HTATIP2: variants seen among roughly 807,000 people sequenced by gnomAD.
The protein encoded by HTATIP2 is HIV-1 Tat interactive protein 2.
Under a neutral mutation model 24.7 loss-of-function variants are expected in HTATIP2, and 26 were observed. The ratio of observed to expected loss-of-function variants is 1.05; its 90% CI spans 0.77 to 1.46. The LOEUF is 1.46. HTATIP2 is among the 40% of genes most tolerant of loss of function. The pLI is 0.00. For missense variants in HTATIP2, 284 were observed against 289.6 expected (o/e 0.98, Z 0.14); for synonymous variants, 99 against 113.2 (o/e 0.87, Z 0.79).
At chr11:20,376,291 T>C in intron 2 of HTATIP2, 1 of 396,856 alleles carries the variant, frequency 2.5e-6, no homozygotes, top group Non-Finnish European at 4.5e-6. Context: ...AGCCTGATCT[T>C]ACTGTTCCCT....
At chr11:20,382,600 G>C (rs1375113637) in intron 4 of HTATIP2, among the ~76,000 whole-genome samples, 1 of 152,126 alleles carries the variant, frequency 6.6e-6, no homozygotes, top group Non-Finnish European at 1.5e-5. Flanking sequence ...TCTGGAGATT[G>C]GAAGTCCAAG....
chr11:20,373,227 A>G (rs2064790280), intron 2 of HTATIP2, among the ~76,000 whole-genome samples: 1 of 152,090 alleles, frequency 6.6e-6, no homozygotes, highest in Non-Finnish European at 1.5e-5. Flanking sequence ...TCGTCCTTCA[A>G]GGAGCGGTTG....
Position 20,364,246 on chromosome 11 carries a change from AAC to A in HTATIP2, c.11_12del (p.Thr4ArgfsTer15), listed in dbSNP as rs778382489. On this transcript the variant is annotated frameshift_variant, in exon 1 of 5. Coordinates refer to ENST00000451739, the MANE Select transcript of HTATIP2 (RefSeq NM_001098522.2). LOFTEE classifies it high-confidence loss of function. MAE[T>X]EALSKLREDF... ...GATGTTATTTCCCCAGCATGGCCGA[AAC>A]AGAAGCCCTGTCGAAGCTTCGGGAA... 55 of 1,602,838 alleles carry A rather than the reference AAC, an allele frequency of 3.4e-5. No individual in the cohort carries two copies. Among genetic ancestry groups the A allele is most frequent in the Middle Eastern group, 1.7e-4 (1 of 6,010 alleles).
chr11:20,365,536 G>A (rs759470766), intron 1 of HTATIP2, among the ~76,000 whole-genome samples: 2 of 152,146 alleles, frequency 1.3e-5, no homozygotes, highest in African/African-American at 4.8e-5. Context: ...CTTGATTCTC[G>A]CAGGTCTGTG....
intron 1 of HTATIP2, among the ~76,000 whole-genome samples, chr11:20,365,771 G>A (rs1318873433): frequency 6.6e-6 from 1 of 151,862 alleles, no homozygotes; most frequent in Non-Finnish European, 1.5e-5. Context: ...AAGAGTTCCA[G>A]ACCAGCCTGG....
intron 2 of HTATIP2, among the ~76,000 whole-genome samples, chr11:20,372,363 T>C (rs992295730): frequency 2.6e-5 from 4 of 152,342 alleles, no homozygotes; most frequent in African/African-American, 9.6e-5. Flanking sequence ...TTTCAGGCAC[T>C]GGTAAAGAAG....
intron 2 of HTATIP2, 144 bp from the exon 3 acceptor site, chr11:20,376,436 G>C (rs1441707566): frequency 1.1e-6 from 1 of 910,146 alleles, no homozygotes; most frequent in Non-Finnish European, 1.8e-6. Flanking sequence ...CAGGGTCTAA[G>C]CCTGACTTTC....
chr11:20,371,860 C>T (rs1388722425), intron 2 of HTATIP2, among the ~76,000 whole-genome samples: 1 of 152,178 alleles, frequency 6.6e-6, no homozygotes, highest in Non-Finnish European at 1.5e-5. Context: ...CTATCCAGAA[C>T]TTCTCTAACC....
At chr11:20,365,846 C>T (rs537763718) in intron 1 of HTATIP2, among the ~76,000 whole-genome samples, 220 of 151,776 alleles carry the variant, frequency 1.4e-3, no homozygotes, top group Non-Finnish European at 2.5e-3. Flanking sequence ...TGGTGCACGC[C>T]TGTAATCTCA....
At chr11:20,369,309 G>A (rs996534982) in intron 2 of HTATIP2, among the ~76,000 whole-genome samples, 6 of 152,164 alleles carry the variant, frequency 3.9e-5, no homozygotes, top group African/African-American at 7.2e-5. Flanking sequence ...AAACTAGTAC[G>A]CTTCACTAGG....
At chr11:20,370,901 G>T (rs1322381762) in intron 2 of HTATIP2, among the ~76,000 whole-genome samples, 2 of 152,094 alleles carry the variant, frequency 1.3e-5, no homozygotes, top group Admixed American at 6.6e-5. Context: ...TGCCCGTCTT[G>T]GCCTCCCAAA....
intron 4 of HTATIP2, 38 bp downstream of exon 4, chr11:20,382,277 TGATG>T (rs1033208876): frequency 8.4e-7 from 1 of 1,194,600 alleles, no homozygotes; most frequent in African/African-American, 1.5e-5. Context: ...AGTATGCCAC[TGATG>T]GTTAATCCCT....
intron 2 of HTATIP2, chr11:20,376,248 A>C (rs1848444265): frequency 1.7e-5 from 2 of 117,242 alleles, no homozygotes; most frequent in East Asian, 4.6e-4. Context: ...TTATTAAGAC[A>C]AAAAAAAAAG....
intron 3 of HTATIP2, among the ~76,000 whole-genome samples, chr11:20,377,405 C>T (rs548280487): frequency 4.6e-5 from 7 of 152,228 alleles, no homozygotes; most frequent in South Asian, 2.1e-4. Context: ...AAAGTCTTAA[C>T]GTTTTATCTT....
intron 2 of HTATIP2, chr11:20,367,608 G>C (rs1258373757): frequency 7.6e-7 from 1 of 1,310,896 alleles, no homozygotes; most frequent in Admixed American, 3.7e-5. Flanking sequence ...GGTTTATGCT[G>C]TTAACAATCA....
Position 20,365,353 on chromosome 11 carries a change from A to G in HTATIP2, c.195+921A>G, listed in dbSNP as rs1302470996. Among the ~76,000 whole-genome samples, 3 of 152,296 alleles carry G rather than the reference A, an allele frequency of 2.0e-5. No homozygotes were observed. The East Asian group carries it at 5.8e-4, about 29-fold the overall frequency. On this transcript the variant is annotated intron_variant, in intron 1 of 4. Transcript: ENST00000451739. Reference sequence around the variant, plus strand: ...CTTCTGTCTTGTCATGACCCCCTAAATATCAGAAGCCTGAGTTTCTTGGAG... The same window carrying G: ...CTTCTGTCTTGTCATGACCCCCTAAGTATCAGAAGCCTGAGTTTCTTGGAG...
chr11:20,376,821 C>A, intron 3 of HTATIP2, 104 bp downstream of exon 3: 29 of 776,270 alleles, frequency 3.7e-5, no homozygotes, highest in Non-Finnish European at 5.3e-5. Flanking sequence ...TCAAATGCAT[C>A]ATATTATGCA....
chr11:20,373,718 A>C (rs1186043536), intron 2 of HTATIP2, among the ~76,000 whole-genome samples: 3 of 152,234 alleles, frequency 2.0e-5, no homozygotes, highest in Non-Finnish European at 4.4e-5. Context: ...TGAGGGGAAG[A>C]AACAGATGTG....
chr11:20,367,072 G>T, intron 1 of HTATIP2, 102 bp from the exon 2 acceptor site: 2 of 1,344,742 alleles, frequency 1.5e-6, no homozygotes, highest in South Asian at 2.8e-5. Context: ...AAGTGGACAG[G>T]CCTGTCAGTA....
Sources: gnomAD v4.1 joint callset for allele counts (sites outside exome capture counted in the v4.1 genomes callset) on GRCh38, gnomAD v4.1.1 for gene constraint, MANE v1.5 for transcripts, NCBI Gene and HGNC (gene_info 2026-07-23, HGNC 2026-07-21) for gene names.